TTC27: variants seen among roughly 807,000 people sequenced by gnomAD.
The protein encoded by TTC27 is tetratricopeptide repeat domain 27.
In TTC27, 79 loss-of-function variants were observed where a neutral mutation model predicts 115.9. The ratio of observed to expected loss-of-function variants is 0.68; its 90% CI spans 0.57 to 0.82. The LOEUF is 0.82. Ranked by LOEUF, TTC27 falls within the 40% of genes least tolerant of loss-of-function variation. TTC27 has a pLI of 0.00. For synonymous variants in TTC27, 401 were observed against 356.0 expected, an observed-to-expected ratio of 1.13 and a Z score of -1.42; for missense variants, 1,054 against 993.1, an observed-to-expected ratio of 1.06 and a Z score of -0.82.
At chr2:32,669,933 TG>T (rs1389851531) in intron 7 of TTC27, among the ~76,000 whole-genome samples, 2 of 150,698 alleles carry the variant, frequency 1.3e-5, no homozygotes, top group African/African-American at 4.9e-5. Context: ...TGTGAAAATA[TG>T]TATTTTAATT....
chr2:32,754,218 A>G (rs1452807333), intron 12 of TTC27, among the ~76,000 whole-genome samples: 15 of 151,876 alleles, frequency 9.9e-5, no homozygotes, highest in Admixed American at 9.8e-4. Flanking sequence ...GTCATAGGAC[A>G]ATAGCGGAGG....
At chr2:32,754,277 C>T in intron 12 of TTC27, among the ~76,000 whole-genome samples, 1 of 150,480 alleles carries the variant, frequency 6.6e-6, no homozygotes, top group Middle Eastern at 3.2e-3. Flanking sequence ...TTTTCTTAGG[C>T]AGAGGACCCT....
chr2:32,649,661 C>G lies in TTC27; in HGVS notation c.538-470C>G, dbSNP rs531256184. ...CCAGGTTTAAGCAATTCTCCTGCCT[C>G]AAGTCTCCCGAGTAGCTGGGACTAC... On this transcript the variant is annotated intron_variant, in intron 4 of 19. Coordinates refer to ENST00000317907, the MANE Select transcript of TTC27 (RefSeq NM_017735.5). 2.3e-4 allele frequency among the ~76,000 whole-genome samples: 35 copies of G among 151,782 alleles called. 1 individual carries two copies. The South Asian group carries it at 6.9e-3, about 30-fold the overall frequency.
intron 16 of TTC27, among the ~76,000 whole-genome samples, chr2:32,805,234 C>T (rs1449927416): frequency 6.6e-6 from 1 of 152,168 alleles, no homozygotes; most frequent in Non-Finnish European, 1.5e-5. Context: ...TAGCATCATC[C>T]TCATAGGGTT....
At position 32,650,224 on chromosome 2, in the gene TTC27, AT is replaced by A; in HGVS notation, c.633del (p.Ile211MetfsTer4). ...PLLFTLAENCIDQVMKLQNLF... is the reference protein window; with the variant it reads ...PLLFTLAENCXDQVMKLQNLF... Reference sequence around the variant, plus strand: ...GCTTTTTACTCTTGCCGAAAACTGTATTGATCAAGGTATGTAGCAGATTTTT... The same window carrying A: ...GCTTTTTACTCTTGCCGAAAACTGTATGATCAAGGTATGTAGCAGATTTTT... On this transcript the variant is annotated frameshift_variant, in exon 5 of 20. Transcript: ENST00000317907. LOFTEE classifies it high-confidence loss of function. 2 of 1,613,064 alleles carry A rather than the reference AT, an allele frequency of 1.2e-6. No individual in the cohort carries two copies. Among genetic ancestry groups the A allele is most frequent in the Non-Finnish European group, 1.7e-6 (2 of 1,179,420 alleles).
At chr2:32,736,891 C>G in intron 12 of TTC27, 75 bp downstream of exon 12, 1 of 1,526,034 alleles carries the variant, frequency 6.6e-7, no homozygotes, top group Non-Finnish European at 8.8e-7. Context: ...TTTTGTTTTT[C>G]AAACCCACTT....
At chr2:32,745,464 T>G (rs1668792510) in intron 12 of TTC27, among the ~76,000 whole-genome samples, 1 of 152,168 alleles carries the variant, frequency 6.6e-6, no homozygotes, top group East Asian at 1.9e-4. Context: ...AGGAACTACC[T>G]GGACCACACA....
chr2:32,661,923 C>T (rs2163664), intron 5 of TTC27, among the ~76,000 whole-genome samples: 115,863 of 152,002 alleles, frequency 0.76, 44,264 homozygotes, highest in Middle Eastern at 0.82. Flanking sequence ...ATATCTCTTA[C>T]TATTTTGAGA....
At chr2:32,637,253 T>C (rs1467835523) in intron 3 of TTC27, among the ~76,000 whole-genome samples, 1 of 152,202 alleles carries the variant, frequency 6.6e-6, no homozygotes, top group Non-Finnish European at 1.5e-5. Context: ...ATGTAGAAGA[T>C]AATGACCTGA....
intron 16 of TTC27, among the ~76,000 whole-genome samples, chr2:32,788,350 A>G (rs1670416591): frequency 6.6e-6 from 1 of 152,170 alleles, no homozygotes; most frequent in Non-Finnish European, 1.5e-5. Context: ...GGACCTTAGA[A>G]GTCCTCTAGG....
chr2:32,682,310 G>A (rs1666459191), intron 9 of TTC27, among the ~76,000 whole-genome samples: 1 of 152,040 alleles, frequency 6.6e-6, no homozygotes, highest in Non-Finnish European at 1.5e-5. Context: ...GTAAAATGGG[G>A]GAAAGAGAAA....
At chr2:32,711,727 G>T (rs1667587031) in intron 10 of TTC27, among the ~76,000 whole-genome samples, 1 of 151,998 alleles carries the variant, frequency 6.6e-6, no homozygotes, top group Non-Finnish European at 1.5e-5. Context: ...ATCACCTGAG[G>T]TCAGGAGTTC....
intron 10 of TTC27, among the ~76,000 whole-genome samples, chr2:32,728,971 T>G (rs753921977): frequency 2.7e-5 from 4 of 145,592 alleles, no homozygotes; most frequent in Non-Finnish European, 6.0e-5. Flanking sequence ...ATATACATAT[T>G]TTTATAATAA....
intron 16 of TTC27, among the ~76,000 whole-genome samples, chr2:32,792,687 C>A (rs1232556249): frequency 6.6e-6 from 1 of 152,084 alleles, no homozygotes; most frequent in Non-Finnish European, 1.5e-5. Context: ...GGCCTGGAGC[C>A]CTCCTGGTAG....
chr2:32,649,253 A>G (rs1004825197), intron 4 of TTC27, among the ~76,000 whole-genome samples: 1 of 152,142 alleles, frequency 6.6e-6, no homozygotes, highest in Non-Finnish European at 1.5e-5. Context: ...TCTGAATCCA[A>G]GGTATTTCTT....
chr2:32,703,090 G>C (rs1340617368), intron 10 of TTC27, among the ~76,000 whole-genome samples, 170 bp downstream of exon 10: 1 of 152,186 alleles, frequency 6.6e-6, no homozygotes, highest in Non-Finnish European at 1.5e-5. Flanking sequence ...CCAAAGCCCA[G>C]CTCTGTGACT....
rs142804194 is a variant in TTC27, at chr2:32,672,840, A to G, written c.1052+456A>G. Among the ~76,000 whole-genome samples the G allele has an allele frequency of 4.4e-3, 670 of 152,346 alleles. 12 individuals are homozygous for G. Among genetic ancestry groups the G allele is most frequent in the Admixed American group, 0.029 (439 of 15,308 alleles). On this transcript the variant is annotated intron_variant, in intron 8 of 19. Transcript: ENST00000317907. Reference sequence around the variant, plus strand: ...AGGACAATACATATAACTTCTAAGAATAAGTTTCCAAGATGATGCTGTATC... The same window carrying G: ...AGGACAATACATATAACTTCTAAGAGTAAGTTTCCAAGATGATGCTGTATC...
chr2:32,736,830 C>A lies in TTC27; in HGVS notation c.1452+14C>A. On this transcript the variant is annotated intron_variant, in intron 12 of 19. Transcript: ENST00000317907. ...CAGCACGGAAAGGTATGTAATAGTC[C>A]AATTTGATGTACTGGTGAGAGCCTT... 6.2e-7 allele frequency: 1 copy of A among 1,612,386 alleles called. No homozygotes were observed. The highest frequency in any genetic ancestry group is 8.5e-7 in the Non-Finnish European group (1 of 1,179,008).
intron 3 of TTC27, among the ~76,000 whole-genome samples, chr2:32,636,646 G>C (rs1664439762): frequency 6.6e-6 from 1 of 152,138 alleles, no homozygotes; most frequent in Non-Finnish European, 1.5e-5. Context: ...CACATTTTCT[G>C]GTTCCAAATC....
Sources: allele counts gnomAD v4.1 joint callset (sites outside exome capture counted in the v4.1 genomes callset), GRCh38; gene constraint gnomAD v4.1.1; transcripts MANE v1.5; gene names NCBI Gene and HGNC (gene_info 2026-07-23, HGNC 2026-07-21).